Variants in ABCA13 observed in about 807,000 individuals in gnomAD.
ABCA13 encodes the protein ATP binding cassette subfamily A member 13, also known as ATP-binding cassette sub-family A member 13.
In ABCA13, 476 loss-of-function variants were observed where a neutral mutation model predicts 478.7. That is an observed-to-expected ratio of 0.99 (90% CI 0.92 to 1.07). The LOEUF is 1.07. ABCA13 is among the 50% of genes least tolerant of loss of function. The pLI, the probability that ABCA13 is intolerant of heterozygous loss-of-function variation, is 0.00. For missense variants in ABCA13, 6,060 were observed against 5,910.6 expected, an observed-to-expected ratio of 1.03 and a Z score of -0.83; for synonymous variants, 2,252 against 2,158.9, an observed-to-expected ratio of 1.04 and a Z score of -1.20.
chr7:48,316,243 C>T (rs184642203), intron 26 of ABCA13, among the ~76,000 whole-genome samples: 224 of 152,020 alleles, frequency 1.5e-3, no homozygotes, highest in African/African-American at 5.2e-3. Context: ...TGTCAAAATT[C>T]GTAAGTTTGA....
intron 3 of ABCA13, among the ~76,000 whole-genome samples, chr7:48,215,407 T>C (rs1254629307): frequency 6.6e-6 from 1 of 152,078 alleles, no homozygotes; most frequent in Non-Finnish European, 1.5e-5. Context: ...ATATCAAAGA[T>C]CACTGATTAC....
At chr7:48,383,376 C>T (rs1053010794) in intron 35 of ABCA13, among the ~76,000 whole-genome samples, 7 of 152,142 alleles carry the variant, frequency 4.6e-5, no homozygotes, top group Admixed American at 3.9e-4. Context: ...TGTGGGTATA[C>T]GTATGTGTGT....
chr7:48,361,832 T>G (rs188216059), intron 31 of ABCA13, among the ~76,000 whole-genome samples: 12 of 152,026 alleles, frequency 7.9e-5, no homozygotes, highest in Non-Finnish European at 1.0e-4. Context: ...GTGAAAATTC[T>G]CAAGAATTTT....
Position 48,271,915 on chromosome 7 carries a change from A to ACTC in ABCA13, c.2254_2256dup (p.Ser752dup). ...AAATTATTGTTGCCTAATCTTTTTG[A>ACTC]CTCCTCCATTGTTCCCAGTTTCCAC... On this transcript the variant is annotated inframe_insertion, in exon 17 of 62. Transcript: ENST00000435803. The ACTC allele has an allele frequency of 6.2e-7, 1 of 1,613,138 alleles. No individual in the cohort carries two copies. Among genetic ancestry groups the ACTC allele is most frequent in the Non-Finnish European group, 8.5e-7 (1 of 1,179,564 alleles).
At chr7:48,623,328 C>G (rs1793336448) in intron 59 of ABCA13, among the ~76,000 whole-genome samples, 1 of 152,110 alleles carries the variant, frequency 6.6e-6, no homozygotes, top group Non-Finnish European at 1.5e-5. Flanking sequence ...CTTCGTTATC[C>G]TTTTCTTTCT....
chr7:48,466,996 C>T lies in ABCA13; in HGVS notation c.12856C>T (p.Arg4286Trp), dbSNP rs199968836. ...CTTGGACCTCACCCGTGTGCTTCTGCGGAAGTTTAGAGATCAAGATTTGCC... is the reference window on the plus strand; with the variant it reads ...CTTGGACCTCACCCGTGTGCTTCTGTGGAAGTTTAGAGATCAAGATTTGCC... ...DNLDLTRVLL[R>W]KFRDQDLPCA... The change falls in exon 44 of 62, where the codon CGG becomes TGG. Residue 4286 changes from arginine to tryptophan, a missense_variant. By Grantham distance (101) the Arg-to-Trp change is moderately radical. Transcript: ENST00000435803. 1.6e-5 allele frequency: 26 copies of T among 1,613,928 alleles called. No homozygotes were observed. Among genetic ancestry groups the T allele is most frequent in the East Asian group, 8.9e-5 (4 of 44,872 alleles).
intron 15 of ABCA13, among the ~76,000 whole-genome samples, chr7:48,265,848 G>A (rs1794803563): frequency 6.6e-6 from 1 of 151,514 alleles, no homozygotes; most frequent in South Asian, 2.1e-4. Context: ...GATCCTGGAA[G>A]AGGCGCATTT....
chr7:48,335,317 C>T (rs1806078526), intron 27 of ABCA13, 105 bp from the exon 28 acceptor site: 5 of 699,170 alleles, frequency 7.2e-6, no homozygotes, highest in Non-Finnish European at 1.1e-5. Context: ...GGCCTGCAGG[C>T]AGATCTTTGC....
intron 17 of ABCA13, among the ~76,000 whole-genome samples, chr7:48,277,435 T>C (rs899756162): frequency 2.6e-5 from 4 of 152,242 alleles, no homozygotes; most frequent in Admixed American, 1.3e-4. Flanking sequence ...GTATCCCTTC[T>C]GACTAATTTA....
At chr7:48,493,327 A>G (rs535868993) in intron 48 of ABCA13, among the ~76,000 whole-genome samples, 1 of 152,314 alleles carries the variant, frequency 6.6e-6, no homozygotes, top group South Asian at 2.1e-4. Context: ...CAAAATATGT[A>G]CTTGCTTCTT....
At chr7:48,544,744 A>T (rs936994565) in intron 55 of ABCA13, among the ~76,000 whole-genome samples, 1 of 151,904 alleles carries the variant, frequency 6.6e-6, no homozygotes, top group Non-Finnish European at 1.5e-5. Flanking sequence ...TAGCAAATTA[A>T]TCAAACCCAA....
Position 48,217,902 on chromosome 7 carries a change from T to G in ABCA13, c.288-1452T>G, listed in dbSNP as rs542642130. Reference sequence around the variant, plus strand: ...GCCTGGCAGGTCAAGCATTACCTGATAAAAGTCTCAATAAAGACCTGTACT... The same window carrying G: ...GCCTGGCAGGTCAAGCATTACCTGAGAAAAGTCTCAATAAAGACCTGTACT... On this transcript the variant is annotated intron_variant, in intron 3 of 61. Transcript: ENST00000435803. 6.6e-5 allele frequency among the ~76,000 whole-genome samples: 10 copies of G among 152,308 alleles called. No individual in the cohort carries two copies. The South Asian group carries it at 1.4e-3, about 22-fold the overall frequency.
intron 28 of ABCA13, among the ~76,000 whole-genome samples, chr7:48,337,357 T>C (rs1806425949): frequency 6.6e-6 from 1 of 152,212 alleles, no homozygotes; most frequent in Admixed American, 6.5e-5. Context: ...GCACATTGAC[T>C]GGCAAATAGC....
rs764040783 is a variant in ABCA13 at position 48,274,762 on chromosome 7, T to C, written c.5096T>C (p.Val1699Ala). ...GATTTCTTTAAGAATATCAGTAGTG[T>C]GGGAACTGGCAATTTAGTGGTCAAT... Reference protein sequence around the residue: ...LMDFFKNISSVGTGNLVVNLL... With the variant: ...LMDFFKNISSAGTGNLVVNLL... Residue 1699 changes from valine (V) to alanine (A), a missense_variant, in exon 17 of 62, where the codon GTG becomes GCG. Physicochemically the swap from Val to Ala is moderately conservative, Grantham distance 64. Coordinates refer to ENST00000435803, the MANE Select transcript of ABCA13 (RefSeq NM_152701.5). The C allele has an allele frequency of 1.2e-6, 2 of 1,613,980 alleles. No individual in the cohort carries two copies. Among genetic ancestry groups the C allele is most frequent in the Non-Finnish European group, 1.7e-6 (2 of 1,179,850 alleles).
chr7:48,418,779 TTA>T (rs1415392478), intron 41 of ABCA13, among the ~76,000 whole-genome samples: 1 of 152,206 alleles, frequency 6.6e-6, no homozygotes, highest in Non-Finnish European at 1.5e-5. Context: ...TTAGACACTG[TTA>T]TATTTTAATC....
intron 2 of ABCA13, among the ~76,000 whole-genome samples, chr7:48,193,448 A>G (rs1162903743): frequency 6.6e-6 from 1 of 151,872 alleles, no homozygotes; most frequent in African/African-American, 2.4e-5. Context: ...GATGCTGATG[A>G]TATGATGATG....
At chr7:48,222,514 A>T (rs1263886417) in intron 5 of ABCA13, among the ~76,000 whole-genome samples, 2 of 152,230 alleles carry the variant, frequency 1.3e-5, no homozygotes, top group African/African-American at 4.8e-5. Flanking sequence ...ATTGATAATG[A>T]TGGATAATTC....
chr7:48,489,208 A>G, intron 47 of ABCA13, 28 bp from the exon 48 acceptor site: 2 of 1,543,482 alleles, frequency 1.3e-6, no homozygotes, highest in Non-Finnish European at 1.8e-6. Context: ...ATTTCGTGAG[A>G]GCCATTAAAT....
chr7:48,603,962 G>A (rs1300886669), intron 58 of ABCA13: 1 of 152,074 alleles, frequency 6.6e-6, no homozygotes, highest in African/African-American at 2.4e-5. Context: ...TCTTTGGAGG[G>A]TGTATATTAT....
Sources: gnomAD v4.1 joint callset for allele counts (sites outside exome capture counted in the v4.1 genomes callset) on GRCh38, gnomAD v4.1.1 for gene constraint, MANE v1.5 for transcripts, NCBI Gene and HGNC (gene_info 2026-07-23, HGNC 2026-07-21) for gene names.